NLGN1: variants seen among roughly 807,000 people sequenced by gnomAD.
NLGN1 encodes neuroligin-1.
NLGN1 carries 12 observed loss-of-function variants against 65.5 expected under a neutral mutation model. That is an observed-to-expected ratio of 0.18 (90% CI 0.12 to 0.30). The LOEUF is 0.30. Among genes scored for constraint, NLGN1 ranks in the 10% least tolerant of loss-of-function variants. The pLI, the probability that NLGN1 is intolerant of heterozygous loss-of-function variation, is 1.00. For missense variants in NLGN1, 750 were observed against 1,007.1 expected (o/e 0.74, Z 3.46); for synonymous variants, 350 against 359.5 (o/e 0.97, Z 0.30).
At chr3:174,108,246 C>A (rs1358642390) in intron 4 of NLGN1, among the ~76,000 whole-genome samples, 1 of 151,958 alleles carries the variant, frequency 6.6e-6, no homozygotes, top group African/African-American at 2.4e-5. Flanking sequence ...CTCCTGCATT[C>A]TTTTATAAAA....
chr3:173,862,422 C>T (rs1487455495), intron 4 of NLGN1, among the ~76,000 whole-genome samples: 2 of 137,520 alleles, frequency 1.5e-5, no homozygotes, highest in African/African-American at 5.5e-5. Flanking sequence ...AGGAGAATGG[C>T]GTGAACCCGG....
At chr3:173,545,092 G>GTTTC (rs1739560436) in intron 2 of NLGN1, among the ~76,000 whole-genome samples, 1 of 109,176 alleles carries the variant, frequency 9.2e-6, no homozygotes, top group African/African-American at 3.8e-5. Flanking sequence ...TGTTTTGTTT[G>GTTTC]AGATGGAGTT....
At chr3:174,042,391 G>A (rs1387784876) in intron 4 of NLGN1, among the ~76,000 whole-genome samples, 2 of 152,052 alleles carry the variant, frequency 1.3e-5, no homozygotes, top group African/African-American at 2.4e-5. Flanking sequence ...TTTGTGTGTG[G>A]CGTGAGGTAG....
rs116098822 is a variant in NLGN1 at position 174,006,837 on chromosome 3, G to A, written c.646+199005G>A. Among the ~76,000 whole-genome samples, 630 of 152,218 alleles carry A rather than the reference G, an allele frequency of 4.1e-3. 7 individuals carry two copies. The highest frequency in any genetic ancestry group is 0.014 in the African/African-American group (591 of 41,542). ...TAACCCCAGCACTCTGGGAGGCCGAGGTAGGTGGATCAGTTGGGGTCAGGA... is the reference window on the plus strand; with the variant it reads ...TAACCCCAGCACTCTGGGAGGCCGAAGTAGGTGGATCAGTTGGGGTCAGGA... On this transcript the variant is annotated intron_variant, in intron 4 of 6. Transcript: ENST00000457714.
chr3:174,031,959 T>C (rs1325809537), intron 4 of NLGN1, among the ~76,000 whole-genome samples: 1 of 151,326 alleles, frequency 6.6e-6, no homozygotes, highest in Non-Finnish European at 1.5e-5. Flanking sequence ...CAAAAAAAAA[T>C]AGTTATTATA....
At chr3:173,989,376 C>G (rs1202773962) in intron 4 of NLGN1, among the ~76,000 whole-genome samples, 2 of 152,168 alleles carry the variant, frequency 1.3e-5, no homozygotes, top group Non-Finnish European at 2.9e-5. Context: ...TACTCCAAAT[C>G]TTTGGCCAAA....
At chr3:173,986,837 T>TG (rs1560782909) in intron 4 of NLGN1, among the ~76,000 whole-genome samples, 1 of 152,174 alleles carries the variant, frequency 6.6e-6, no homozygotes, top group East Asian at 1.9e-4. Context: ...AGCAGGACAG[T>TG]GAACAATCTT....
At chr3:173,993,646 T>G (rs1339964286) in intron 4 of NLGN1, among the ~76,000 whole-genome samples, 4 of 124,840 alleles carry the variant, frequency 3.2e-5, no homozygotes, top group Non-Finnish European at 6.6e-5. Flanking sequence ...GAAAGATAGC[T>G]AGATAGATGA....
chr3:173,557,650 A>G (rs958310878), intron 2 of NLGN1, among the ~76,000 whole-genome samples: 9 of 152,150 alleles, frequency 5.9e-5, no homozygotes, highest in African/African-American at 2.2e-4. Flanking sequence ...TTAACTCATC[A>G]CAGTCTACCT....
At chr3:174,114,522 G>T (rs1461927928) in intron 4 of NLGN1, among the ~76,000 whole-genome samples, 1 of 152,030 alleles carries the variant, frequency 6.6e-6, no homozygotes, top group Admixed American at 6.6e-5. Flanking sequence ...ACTCAATGAG[G>T]CTTTAAGTCT....
intron 4 of NLGN1, among the ~76,000 whole-genome samples, chr3:174,134,914 T>C (rs969912255): frequency 6.6e-6 from 1 of 152,208 alleles, no homozygotes; most frequent in African/African-American, 2.4e-5. Flanking sequence ...GCTGTGCCTT[T>C]CTACTGTATT....
At chr3:173,865,158 T>A (rs1729885036) in intron 4 of NLGN1, among the ~76,000 whole-genome samples, 1 of 152,140 alleles carries the variant, frequency 6.6e-6, no homozygotes, top group Admixed American at 6.6e-5. Context: ...TTAGCTTTAT[T>A]TTAGAGGTTT....
chr3:173,471,263 A>G (rs1725270241), intron 2 of NLGN1, among the ~76,000 whole-genome samples: 1 of 152,100 alleles, frequency 6.6e-6, no homozygotes, highest in South Asian at 2.1e-4. Context: ...TGGATTTAGC[A>G]ACAAAATTTT....
At chr3:173,889,635 T>C (rs975711841) in intron 4 of NLGN1, among the ~76,000 whole-genome samples, 2 of 152,072 alleles carry the variant, frequency 1.3e-5, no homozygotes, top group African/African-American at 4.8e-5. Flanking sequence ...CCTATGGAGG[T>C]TGAGACTGAA....
chr3:173,483,228 A>G (rs1229881700), intron 2 of NLGN1, among the ~76,000 whole-genome samples: 1 of 152,090 alleles, frequency 6.6e-6, no homozygotes, highest in African/African-American at 2.4e-5. Context: ...TTTAAAAAAT[A>G]CTAAGAGATT....
intron 4 of NLGN1, among the ~76,000 whole-genome samples, chr3:173,870,170 T>C (rs1293941939): frequency 6.6e-6 from 1 of 152,238 alleles, no homozygotes; most frequent in Non-Finnish European, 1.5e-5. Context: ...GTAATGAATA[T>C]ACATGTTACC....
At chr3:174,025,893 A>G (rs1484011938) in intron 4 of NLGN1, among the ~76,000 whole-genome samples, 2 of 152,212 alleles carry the variant, frequency 1.3e-5, no homozygotes, top group African/African-American at 4.8e-5. Flanking sequence ...CAGAATTTGT[A>G]TTTTGTAGAA....
At chr3:174,014,696 G>A (rs753545609) in intron 4 of NLGN1, among the ~76,000 whole-genome samples, 2 of 152,148 alleles carry the variant, frequency 1.3e-5, no homozygotes, top group Non-Finnish European at 2.9e-5. Flanking sequence ...AGACAAACAA[G>A]GTAGGGTTTT....
At chr3:173,446,637 G>A (rs931015412) in intron 2 of NLGN1, among the ~76,000 whole-genome samples, 6 of 152,056 alleles carry the variant, frequency 3.9e-5, no homozygotes, top group African/African-American at 7.2e-5. Flanking sequence ...TGAGGAATTG[G>A]CACACCAACT....
Sources: allele counts gnomAD v4.1 joint callset (sites outside exome capture counted in the v4.1 genomes callset), GRCh38; gene constraint gnomAD v4.1.1; transcripts MANE v1.5; gene names NCBI Gene and HGNC (gene_info 2026-07-23, HGNC 2026-07-21).